SLC71A1: variants seen among roughly 807,000 people sequenced by gnomAD.
The protein encoded by SLC71A1 is solute carrier family 71 member 1, also known as hippocampus abundant gene transcript 1.
chr1:100,070,001 C>T, the SLC71A1 span, among the ~76,000 whole-genome samples: 1 of 152,144 alleles, frequency 6.6e-6, no homozygotes, highest in Non-Finnish European at 1.5e-5. Flanking sequence ...TTATTGAATA[C>T]CTACCGTGTG....
chr1:100,061,801 G>A, the SLC71A1 span: 2 of 1,284,966 alleles, frequency 1.6e-6, no homozygotes, highest in African/African-American at 2.9e-5. Context: ...AATGGTAATT[G>A]CTCTAACCAT....
chr1:100,071,289 C>CAAAAAAAAAAAAAAAAAAA, the SLC71A1 span, among the ~76,000 whole-genome samples: 61 of 53,386 alleles, frequency 1.1e-3, 1 homozygote, highest in Non-Finnish European at 1.5e-3. Context: ...CCATCTCTAC[C>CAAAAAAAAAAAAAAAAAAA]AAAAAAAAAA....
At chr1:100,047,579 C>T in the SLC71A1 span, among the ~76,000 whole-genome samples, 1,701 of 152,262 alleles carry the variant, frequency 0.011, 16 homozygotes, top group Middle Eastern at 0.058. Context: ...TGCGCCACCA[C>T]GCCTGGCTAA....
At chr1:100,055,789 T>C in the SLC71A1 span, among the ~76,000 whole-genome samples, 1 of 152,184 alleles carries the variant, frequency 6.6e-6, no homozygotes, top group African/African-American at 2.4e-5. Flanking sequence ...AGTCTTGCTC[T>C]GTCACCAGGC....
At chr1:100,078,547 G>C in the SLC71A1 span, 1 of 1,600,250 alleles carries the variant, frequency 6.2e-7, no homozygotes, top group Non-Finnish European at 8.6e-7. Context: ...CTGATCAACA[G>C]GGTGAGTTGA....
At chr1:100,075,974 G>C in the SLC71A1 span, among the ~76,000 whole-genome samples, 2 of 152,268 alleles carry the variant, frequency 1.3e-5, no homozygotes, top group South Asian at 4.1e-4. Flanking sequence ...CACTGTGCCT[G>C]GCCTAAATGT....
chr1:100,077,141 TA>T, the SLC71A1 span: 1 of 1,098,608 alleles, frequency 9.1e-7, no homozygotes, highest in Non-Finnish European at 1.3e-6. Context: ...TTTATTCTGA[TA>T]AATCTTTTTT....
the SLC71A1 span, chr1:100,082,162 G>C: frequency 6.2e-7 from 1 of 1,614,126 alleles, no homozygotes; most frequent in Non-Finnish European, 8.5e-7. Flanking sequence ...TAATACACAA[G>C]CGCCAGGAGA....
At chr1:100,048,209 GTC>G in the SLC71A1 span, among the ~76,000 whole-genome samples, 6,616 of 147,752 alleles carry the variant, frequency 0.045, 170 homozygotes, top group African/African-American at 0.061. Flanking sequence ...TTTTTTCAGA[GTC>G]TCTGTCGCCC....
At chr1:100,066,167 A>T in the SLC71A1 span, among the ~76,000 whole-genome samples, 1 of 152,160 alleles carries the variant, frequency 6.6e-6, no homozygotes, top group Non-Finnish European at 1.5e-5. Flanking sequence ...TTTATCTGTG[A>T]TTTCATTCTT....
the SLC71A1 span, among the ~76,000 whole-genome samples, chr1:100,045,641 G>A: frequency 2.0e-5 from 3 of 152,142 alleles, no homozygotes; most frequent in Admixed American, 6.5e-5. Context: ...CAGGGATACT[G>A]GGGTATCCAT....
the SLC71A1 span, chr1:100,043,060 G>T: frequency 1.0e-6 from 1 of 956,066 alleles, no homozygotes; most frequent in Non-Finnish European, 1.2e-6. Flanking sequence ...TTAATATGCA[G>T]TTTTTTTTTC....
chr1:100,054,041 CTTTTT>C, the SLC71A1 span, among the ~76,000 whole-genome samples: 1 of 133,322 alleles, frequency 7.5e-6, no homozygotes, highest in Non-Finnish European at 1.6e-5. Context: ...TTTTTCTTTC[CTTTTT>C]TTTTTTTTTC....
chr1:100,049,337 T>G, the SLC71A1 span, among the ~76,000 whole-genome samples: 1 of 150,948 alleles, frequency 6.6e-6, no homozygotes, highest in African/African-American at 2.5e-5. Flanking sequence ...TTTTTTTTTT[T>G]TGGTTACATC....
At chr1:100,043,016 G>A in the SLC71A1 span, 1 of 841,830 alleles carries the variant, frequency 1.2e-6, no homozygotes, top group Non-Finnish European at 1.4e-6. Context: ...CCATGGTTCA[G>A]TGTTTGGTTT....
the SLC71A1 span, among the ~76,000 whole-genome samples, chr1:100,054,041 C>CTTTT: frequency 7.5e-6 from 1 of 133,324 alleles, no homozygotes. Context: ...TTTTTCTTTC[C>CTTTT]TTTTTTTTTT....
chr1:100,059,895 T>G, the SLC71A1 span: 17 of 1,611,500 alleles, frequency 1.1e-5, 1 homozygote, highest in South Asian at 1.8e-4. Context: ...TGTCATTCCT[T>G]AGTGCCCCGC....
the SLC71A1 span, among the ~76,000 whole-genome samples, chr1:100,052,147 G>C: frequency 6.6e-6 from 1 of 152,108 alleles, no homozygotes; most frequent in South Asian, 2.1e-4. Context: ...GCTAAGTAGG[G>C]TGATCAAAAT....
At chr1:100,068,963 CAA>C in the SLC71A1 span, among the ~76,000 whole-genome samples, 29 of 152,104 alleles carry the variant, frequency 1.9e-4, no homozygotes, top group Middle Eastern at 3.4e-3. Flanking sequence ...GCCTGGGTAA[CAA>C]GAGCGAAACT....
Sources: allele counts gnomAD v4.1 joint callset (sites outside exome capture counted in the v4.1 genomes callset), GRCh38; gene constraint gnomAD v4.1.1; transcripts MANE v1.5; gene names NCBI Gene and HGNC (gene_info 2026-07-23, HGNC 2026-07-21).